SLC4A10: variants seen among roughly 807,000 people sequenced by gnomAD.
SLC4A10 encodes solute carrier family 4 member 10.
In SLC4A10, 42 loss-of-function variants were observed where a neutral mutation model predicts 137.7. The observed-to-expected ratio is 0.30, with a 90% CI of 0.24 to 0.39. The LOEUF is 0.39. Ranked by LOEUF, SLC4A10 falls within the 10% of genes least tolerant of loss-of-function variation. The pLI is 1.00. For missense variants in SLC4A10, 925 were observed against 1,355.0 expected, an observed-to-expected ratio of 0.68 and a Z score of 4.98; for synonymous variants, 474 against 464.1, an observed-to-expected ratio of 1.02 and a Z score of -0.27.
chr2:161,775,598 A>C (rs2125443851), intron 2 of SLC4A10, among the ~76,000 whole-genome samples: 1 of 151,950 alleles, frequency 6.6e-6, no homozygotes, highest in South Asian at 2.1e-4. Context: ...AGAGAATGCC[A>C]CTCTATACTG....
chr2:161,693,461 G>A (rs1290278687), intron 1 of SLC4A10, among the ~76,000 whole-genome samples: 6 of 151,966 alleles, frequency 3.9e-5, no homozygotes, highest in Non-Finnish European at 7.4e-5. Context: ...TGGGCCAACT[G>A]TGCTCATAAC....
chr2:161,627,117 T>TA lies in SLC4A10; in HGVS notation c.48+2551_48+2552insA, dbSNP rs1456824083. 1.2e-4 allele frequency among the ~76,000 whole-genome samples: 18 copies of TA among 152,282 alleles called. No homozygotes were observed. The East Asian group carries it at 3.3e-3, about 28-fold the overall frequency. On this transcript the variant is annotated intron_variant, in intron 1 of 26. Coordinates refer to ENST00000446997, the MANE Select transcript of SLC4A10 (RefSeq NM_001178015.2). ...AATAACTTATATGAAGTTCCTGACA[T>TA]TTAGTAAGTGTTCAATAAAACTTGC...
chr2:161,952,179 G>C (rs1240299998), intron 19 of SLC4A10, among the ~76,000 whole-genome samples: 1 of 151,998 alleles, frequency 6.6e-6, no homozygotes, highest in Non-Finnish European at 1.5e-5. Flanking sequence ...TTTTCTTATT[G>C]TAAGTGGAAT....
At chr2:161,735,277 T>C (rs1309766783) in intron 1 of SLC4A10, among the ~76,000 whole-genome samples, 1 of 151,358 alleles carries the variant, frequency 6.6e-6, no homozygotes, top group Non-Finnish European at 1.5e-5. Context: ...AACCATCTTA[T>C]AAGTTTTTAG....
chr2:161,942,556 G>C (rs1307753447), intron 15 of SLC4A10, among the ~76,000 whole-genome samples: 2 of 152,074 alleles, frequency 1.3e-5, no homozygotes, highest in African/African-American at 4.8e-5. Context: ...GGCCAAATGG[G>C]TGTCATAAGG....
intron 1 of SLC4A10, among the ~76,000 whole-genome samples, chr2:161,672,891 T>C (rs1273824604): frequency 6.6e-6 from 1 of 152,180 alleles, no homozygotes; most frequent in African/African-American, 2.4e-5. Flanking sequence ...TATTCAGAAG[T>C]ACAAGGTAAA....
intron 1 of SLC4A10, among the ~76,000 whole-genome samples, chr2:161,661,617 T>C (rs1048451529): frequency 1.3e-5 from 2 of 152,258 alleles, no homozygotes; most frequent in African/African-American, 2.4e-5. Context: ...GGAATTTTAC[T>C]GTATGAGATT....
At chr2:161,885,909 C>T (rs969258368) in intron 10 of SLC4A10, among the ~76,000 whole-genome samples, 5 of 152,106 alleles carry the variant, frequency 3.3e-5, no homozygotes, top group Non-Finnish European at 7.4e-5. Context: ...TTGAGACCAG[C>T]CTGGGCAGCA....
At chr2:161,772,517 CTTTG>C (rs1253984989) in intron 2 of SLC4A10, among the ~76,000 whole-genome samples, 6 of 151,902 alleles carry the variant, frequency 3.9e-5, no homozygotes, top group Middle Eastern at 3.4e-3. Flanking sequence ...ATTACATATG[CTTTG>C]TTTGGCATAG....
intron 1 of SLC4A10, among the ~76,000 whole-genome samples, chr2:161,744,240 A>G (rs1704168265): frequency 6.6e-6 from 1 of 152,062 alleles, no homozygotes; most frequent in Non-Finnish European, 1.5e-5. Context: ...ATTTTTCCCC[A>G]TGTAGTATGA....
intron 15 of SLC4A10, among the ~76,000 whole-genome samples, chr2:161,928,956 T>C (rs1689802005): frequency 6.6e-6 from 1 of 152,232 alleles, no homozygotes; most frequent in South Asian, 2.1e-4. Context: ...TCCCTCGTTA[T>C]GTTACTTCTG....
At chr2:161,660,969 T>G (rs1327652051) in intron 1 of SLC4A10, among the ~76,000 whole-genome samples, 2 of 151,802 alleles carry the variant, frequency 1.3e-5, no homozygotes, top group Non-Finnish European at 2.9e-5. Flanking sequence ...CATGTATGCA[T>G]TTTTCTATTA....
At chr2:161,719,636 A>G (rs916401440) in intron 1 of SLC4A10, among the ~76,000 whole-genome samples, 4 of 152,062 alleles carry the variant, frequency 2.6e-5, no homozygotes, top group African/African-American at 9.7e-5. Flanking sequence ...TTTGATTTGC[A>G]TTTCTCTGAT....
chr2:161,669,051 T>G (rs532427152), intron 1 of SLC4A10, among the ~76,000 whole-genome samples: 1 of 152,082 alleles, frequency 6.6e-6, no homozygotes, highest in African/African-American at 2.4e-5. Context: ...ATGTTGAAGC[T>G]TGCCTTCTGT....
At chr2:161,885,218 A>G (rs1559459806) in intron 10 of SLC4A10, among the ~76,000 whole-genome samples, 1 of 152,116 alleles carries the variant, frequency 6.6e-6, no homozygotes, top group Non-Finnish European at 1.5e-5. Context: ...AAGAAAAAGA[A>G]AAAAGAAAAG....
At position 161,825,510 on chromosome 2, in the gene SLC4A10, T is replaced by C. The variant is rs147173605; in HGVS notation, c.278-14279T>C. Among the ~76,000 whole-genome samples the C allele has an allele frequency of 1.6e-3, 251 of 152,322 alleles. 1 individual carries two copies. The highest frequency in any genetic ancestry group is 2.6e-3 in the Admixed American group (40 of 15,298). ...TCATCCCCTAGGCATTCAGTTATAA[T>C]GATAGAGTCTCTCTGCTGAAATATT... On this transcript the variant is annotated intron_variant, in intron 3 of 26. Coordinates refer to ENST00000446997, the MANE Select transcript of SLC4A10 (RefSeq NM_001178015.2).
At chr2:161,937,746 G>A (rs964267054) in intron 15 of SLC4A10, among the ~76,000 whole-genome samples, 1 of 152,182 alleles carries the variant, frequency 6.6e-6, no homozygotes, top group Non-Finnish European at 1.5e-5. Context: ...GCATTGTGCA[G>A]AATGCCTAGA....
intron 3 of SLC4A10, among the ~76,000 whole-genome samples, chr2:161,807,097 T>C (rs1318369871): frequency 2.6e-5 from 4 of 152,020 alleles, no homozygotes; most frequent in Non-Finnish European, 5.9e-5. Flanking sequence ...AACTCTGCCT[T>C]ATAATAACCA....
chr2:161,740,726 C>G (rs2047795318), intron 1 of SLC4A10, among the ~76,000 whole-genome samples: 1 of 152,082 alleles, frequency 6.6e-6, no homozygotes, highest in South Asian at 2.1e-4. Flanking sequence ...TACTCATTCC[C>G]TTTTAGCATC....
Sources: allele counts gnomAD v4.1 joint callset (sites outside exome capture counted in the v4.1 genomes callset), GRCh38; gene constraint gnomAD v4.1.1; transcripts MANE v1.5; gene names NCBI Gene and HGNC (gene_info 2026-07-23, HGNC 2026-07-21).